The following SLC12A2 variants were observed in gnomAD, a reference collection of about 807,000 sequenced individuals.
The protein encoded by SLC12A2 is Na-K-2Cl cotransporter 1.
SLC12A2 carries 67 observed loss-of-function variants against 136.3 expected under a neutral mutation model. That is an observed-to-expected ratio of 0.49 (90% CI 0.40 to 0.60). The LOEUF (loss-of-function observed/expected upper bound fraction) is 0.60, where lower values mean the gene tolerates loss of function less well. Among genes scored for constraint, SLC12A2 ranks in the 20% least tolerant of loss-of-function variants. The pLI is 0.00. For missense variants in SLC12A2, 1,322 were observed against 1,534.7 expected (o/e 0.86, Z 2.32); for synonymous variants, 619 against 562.9 (o/e 1.10, Z -1.41).
At chr5:128,178,752 A>G in intron 22 of SLC12A2, 63 bp downstream of exon 22, 2 of 1,302,890 alleles carry the variant, frequency 1.5e-6, no homozygotes, top group South Asian at 1.7e-5. Flanking sequence ...ATAGTAAGAA[A>G]TGACATGCAC....
chr5:128,176,378 C>T (rs766716685), intron 20 of SLC12A2, among the ~76,000 whole-genome samples: 32 of 151,942 alleles, frequency 2.1e-4, no homozygotes, highest in Admixed American at 6.6e-4. Context: ...CTGTAGTATA[C>T]TCTTTCCTAA....
chr5:128,185,922 T>A (rs2126762902), intron 26 of SLC12A2, among the ~76,000 whole-genome samples: 1 of 152,194 alleles, frequency 6.6e-6, no homozygotes, highest in African/African-American at 2.4e-5. Context: ...TATAATACCA[T>A]ATGTTAAGCT....
chr5:128,185,881 A>T (rs776714679), intron 26 of SLC12A2, among the ~76,000 whole-genome samples: 4 of 152,098 alleles, frequency 2.6e-5, no homozygotes, highest in Non-Finnish European at 4.4e-5. Context: ...AGTCTTTTAT[A>T]TATGCATATA....
intron 1 of SLC12A2, among the ~76,000 whole-genome samples, chr5:128,093,166 T>C (rs1760402338): frequency 6.6e-6 from 1 of 152,158 alleles, no homozygotes; most frequent in African/African-American, 2.4e-5. Flanking sequence ...TTGAGCAGTG[T>C]TCAGCTTTCA....
In SLC12A2 at chr5:128,135,808, T is replaced by C. The variant is rs1333871048; in HGVS notation, c.1408T>C (p.Ser470Pro). 6.5e-7 allele frequency: 1 copy of C among 1,529,062 alleles called. No homozygotes were observed. The highest frequency in any genetic ancestry group is 2.3e-5 in the East Asian group (1 of 44,324). The allele number at this position is 1,529,062 out of a possible 1,614,324, so 94.7% of individuals were successfully genotyped here. A position where few individuals can be genotyped will look rare whatever the true frequency, so the allele number is the denominator to read the frequency against. The stretch of plus-strand genomic sequence containing the variant: ...GCCAAAAGGGTTTTTTGGTTATAAA[T>C]GTAAGTAAAAAAGATTCAATATTTT... ...KKPKGFFGYK[S>P]EIFNENFGPD... is the part of the protein sequence containing the mutation. The change falls in exon 7 of 27, where the codon TCT becomes CCT. Residue 470 changes from serine (S) to proline (P), a missense_variant and splice_region_variant. By Grantham distance (74) the Ser-to-Pro change is moderately conservative. Coordinates refer to ENST00000262461, the MANE Select transcript of SLC12A2 (RefSeq NM_001046.3).
At chr5:128,112,204 C>T (rs777927778) in intron 1 of SLC12A2, among the ~76,000 whole-genome samples, 2 of 152,160 alleles carry the variant, frequency 1.3e-5, no homozygotes, top group South Asian at 2.1e-4. Flanking sequence ...AAAGGAAACA[C>T]TGGTTGTCAA....
intron 1 of SLC12A2, among the ~76,000 whole-genome samples, chr5:128,101,333 C>T (rs975103102): frequency 1.8e-4 from 28 of 152,220 alleles, no homozygotes; most frequent in African/African-American, 6.0e-4. Context: ...GTTGCTAAAT[C>T]ACCTATGATT....
At chr5:128,153,517 T>A in intron 15 of SLC12A2, among the ~76,000 whole-genome samples, 1 of 152,176 alleles carries the variant, frequency 6.6e-6, no homozygotes, top group Non-Finnish European at 1.5e-5. Flanking sequence ...ATCATGCCAC[T>A]GCACTCCAGC....
At chr5:128,116,493 G>A (rs1360376525) in intron 4 of SLC12A2, among the ~76,000 whole-genome samples, 1 of 151,576 alleles carries the variant, frequency 6.6e-6, no homozygotes, top group African/African-American at 2.4e-5. Flanking sequence ...AAGTACGAGA[G>A]TGTGGAACCC....
At chr5:128,105,054 A>G (rs1243463826) in intron 1 of SLC12A2, among the ~76,000 whole-genome samples, 2 of 152,228 alleles carry the variant, frequency 1.3e-5, no homozygotes, top group African/African-American at 4.8e-5. Context: ...TTTCACTGAA[A>G]CCATCAGGAA....
intron 1 of SLC12A2, among the ~76,000 whole-genome samples, chr5:128,086,862 C>T (rs945633039): frequency 1.3e-5 from 2 of 152,194 alleles, no homozygotes; most frequent in African/African-American, 4.8e-5. Context: ...TCTAAATTGA[C>T]TTCTACCTCT....
At chr5:128,096,382 C>A (rs1760537712) in intron 1 of SLC12A2, among the ~76,000 whole-genome samples, 1 of 152,114 alleles carries the variant, frequency 6.6e-6, no homozygotes, top group South Asian at 2.1e-4. Flanking sequence ...ATAGTTGGGT[C>A]TAGATATTAA....
intron 1 of SLC12A2, among the ~76,000 whole-genome samples, chr5:128,099,798 C>T (rs1760680936): frequency 1.3e-5 from 2 of 152,132 alleles, no homozygotes; most frequent in African/African-American, 2.4e-5. Flanking sequence ...CACCCCCACA[C>T]CTTGTCCCAC....
At chr5:128,099,082 G>A (rs889866826) in intron 1 of SLC12A2, among the ~76,000 whole-genome samples, 57 of 152,136 alleles carry the variant, frequency 3.7e-4, no homozygotes, top group African/African-American at 1.2e-3. Flanking sequence ...ATTTACTCTG[G>A]TTTCTTTTCC....
chr5:128,151,369 T>C lies in SLC12A2; in HGVS notation c.2236T>C (p.Tyr746His). 1 of 1,608,656 alleles carries C rather than the reference T, an allele frequency of 6.2e-7. No individual in the cohort carries two copies. Among genetic ancestry groups the C allele is most frequent in the Non-Finnish European group, 8.5e-7 (1 of 1,178,486 alleles). ...LLTYVIVLGLYIYVTYKKPDV... is the reference protein window; with the variant it reads ...LLTYVIVLGLHIYVTYKKPDV... The stretch of plus-strand genomic sequence containing the variant: ...AACATATGTGATAGTCCTTGGGCTG[T>C]ATATTTATGTTACCTACAAAAAACC... Residue 746 changes from tyrosine (Y) to histidine (H), a missense_variant, in exon 14 of 27, where the codon TAT becomes CAT. Transcript: ENST00000262461.
At position 128,111,622 on chromosome 5, in the gene SLC12A2, G is replaced by A. The variant is rs988521105; in HGVS notation, c.757-1192G>A. On this transcript the variant is annotated intron_variant, in intron 1 of 26. Transcript: ENST00000262461. ...CTACTAAAAATACAAAAAATTAGCC[G>A]GGCTTGGTGGTGGGCGCCTGTAGTC... Among the ~76,000 whole-genome samples the A allele has an allele frequency of 1.1e-4, 17 of 151,962 alleles. 1 individual carries two copies. The highest frequency in any genetic ancestry group is 6.5e-4 in the Admixed American group (10 of 15,270).
intron 10 of SLC12A2, 51 bp from the exon 11 acceptor site, chr5:128,147,571 T>A: frequency 8.6e-7 from 1 of 1,162,216 alleles, no homozygotes; most frequent in Non-Finnish European, 1.3e-6. Context: ...TGTGTTATTT[T>A]CTGAATTGTT....
At chr5:128,093,757 G>A (rs776285856) in intron 1 of SLC12A2, among the ~76,000 whole-genome samples, 2 of 152,022 alleles carry the variant, frequency 1.3e-5, no homozygotes, top group Non-Finnish European at 2.9e-5. Flanking sequence ...GCCAAAAACC[G>A]CAATGACTTT....
intron 1 of SLC12A2, chr5:128,110,741 T>G: frequency 6.8e-7 from 1 of 1,463,644 alleles, no homozygotes; most frequent in South Asian, 1.1e-5. Context: ...CTGAGCGATC[T>G]GCTAGAAAAA....
Sources: gnomAD v4.1 joint callset for allele counts (sites outside exome capture counted in the v4.1 genomes callset) on GRCh38, gnomAD v4.1.1 for gene constraint, MANE v1.5 for transcripts, NCBI Gene and HGNC (gene_info 2026-07-23, HGNC 2026-07-21) for gene names.